Variants in FARP1 observed in about 807,000 individuals in gnomAD.
FARP1 encodes FERM, ARH/RhoGEF and pleckstrin domain protein 1.
In FARP1, 52 loss-of-function variants were observed where a neutral mutation model predicts 128.8. That is an observed-to-expected ratio of 0.40 (90% CI 0.32 to 0.51). The LOEUF is 0.51. FARP1 is among the 20% of genes least tolerant of loss of function. The pLI, the probability that FARP1 is intolerant of heterozygous loss-of-function variation, is 0.45. For missense variants in FARP1, 1,333 were observed against 1,367.9 expected, an observed-to-expected ratio of 0.97 and a Z score of 0.40; for synonymous variants, 580 against 551.8, an observed-to-expected ratio of 1.05 and a Z score of -0.72.
intron 2 of FARP1, among the ~76,000 whole-genome samples, chr13:98,299,430 G>A (rs753666730): frequency 6.6e-6 from 1 of 152,312 alleles, no homozygotes; most frequent in East Asian, 1.9e-4. Context: ...GTATGAACAC[G>A]TAGGGGCTGT....
Position 98,176,931 on chromosome 13 carries a change from A to T in FARP1, c.-24+33439A>T, listed in dbSNP as rs758475708. 4.9e-5 allele frequency: 79 copies of T among 1,602,782 alleles called. No homozygotes were observed. Among genetic ancestry groups the T allele is most frequent in the Non-Finnish European group, 6.6e-5 (78 of 1,179,788 alleles). On this transcript the variant is annotated intron_variant, in intron 1 of 26. Transcript: ENST00000319562. This position sits in a 1 kb window ranked among gnomAD's most constrained non-coding sequence, Gnocchi z 6.2. ...TGGCCCCCATGTCCTCTGGCCCCAC[A>T]GGCTTCGCCGAGCGGGTGGACCTGT...
chr13:98,378,982 TATA>T (rs1889731633), intron 6 of FARP1, among the ~76,000 whole-genome samples: 2 of 97,498 alleles, frequency 2.1e-5, no homozygotes, highest in Non-Finnish European at 3.7e-5. Context: ...ATAATCTATA[TATA>T]ATATATATAT....
intron 14 of FARP1, 56 bp downstream of exon 14, chr13:98,409,581 T>C: frequency 6.9e-7 from 1 of 1,449,026 alleles, no homozygotes; most frequent in South Asian, 1.4e-5. Flanking sequence ...TGTGTTTGTG[T>C]GAATTTTAAA....
intron 1 of FARP1, among the ~76,000 whole-genome samples, chr13:98,211,251 G>A (rs1321303954): frequency 6.6e-6 from 1 of 152,232 alleles, no homozygotes; most frequent in African/African-American, 2.4e-5. Flanking sequence ...ACAGCAGGAG[G>A]TGAGCGGCAG....
chr13:98,323,350 T>C (rs370774615), intron 2 of FARP1, among the ~76,000 whole-genome samples: 2 of 151,618 alleles, frequency 1.3e-5, no homozygotes, highest in South Asian at 4.2e-4. Context: ...ATTTAAAATA[T>C]GGTTCAAGTG....
intron 18 of FARP1, chr13:98,431,609 C>G (rs1208961234): frequency 1.1e-5 from 2 of 185,558 alleles, no homozygotes; most frequent in African/African-American, 4.7e-5. Context: ...TTACAGGCGC[C>G]CGCCACCACG....
chr13:98,239,742 G>A (rs1408761923), intron 2 of FARP1, among the ~76,000 whole-genome samples: 1 of 152,070 alleles, frequency 6.6e-6, no homozygotes, highest in East Asian at 1.9e-4. Context: ...GGCTGCTCCC[G>A]GAGGAGATGA....
intron 13 of FARP1, chr13:98,404,019 T>TCACCAC (rs879555980): frequency 0.028 from 3,812 of 135,448 alleles, 85 homozygotes; most frequent in Non-Finnish European, 0.04. Flanking sequence ...ACCACCACCA[T>TCACCAC]CACCACCACC....
At chr13:98,273,935 G>C (rs1298745635) in intron 2 of FARP1, among the ~76,000 whole-genome samples, 1 of 152,166 alleles carries the variant, frequency 6.6e-6, no homozygotes, top group Non-Finnish European at 1.5e-5. Flanking sequence ...GTCAATGACA[G>C]ACTTAGCCAC....
intron 2 of FARP1, among the ~76,000 whole-genome samples, chr13:98,264,840 G>A (rs1200538377): frequency 2.6e-5 from 4 of 152,004 alleles, no homozygotes; most frequent in Non-Finnish European, 5.9e-5. Flanking sequence ...ATTACTATTC[G>A]ATAGTAATCA....
chr13:98,355,471 C>T (rs556330736), intron 3 of FARP1, among the ~76,000 whole-genome samples: 1 of 152,150 alleles, frequency 6.6e-6, no homozygotes, highest in Non-Finnish European at 1.5e-5. Context: ...GCATGGTCCA[C>T]AGACCAACAA....
intron 13 of FARP1, chr13:98,406,605 G>C (rs890893780): frequency 1.3e-5 from 2 of 152,212 alleles, no homozygotes; most frequent in African/African-American, 4.8e-5. Flanking sequence ...ACATCTTTAG[G>C]CTCCGTGAGT....
At chr13:98,403,643 G>A (rs1323986639) in intron 13 of FARP1, 2 of 152,200 alleles carry the variant, frequency 1.3e-5, no homozygotes, top group Non-Finnish European at 1.5e-5. Flanking sequence ...CACCCAACAT[G>A]TAGGTTCTCA....
In FARP1 at chr13:98,243,839, A is replaced by G. The variant is rs141958670; in HGVS notation, c.171+30426A>G. ...AAAAACTGGACCTAAAGTTCAATTC[A>G]CTGTTGACTTTTTCAAGAGGAGTAT... is the stretch of plus-strand genomic sequence containing the variant. On this transcript the variant is annotated intron_variant, in intron 2 of 26. Coordinates refer to ENST00000319562, the MANE Select transcript of FARP1 (RefSeq NM_005766.4). Among the ~76,000 whole-genome samples, 311 of 152,130 alleles carry G rather than the reference A, an allele frequency of 2.0e-3. 5 individuals are homozygous for G. Among genetic ancestry groups the G allele is most frequent in the African/African-American group, 7.2e-3 (297 of 41,504 alleles).
chr13:98,154,491 G>T (rs542825225), intron 1 of FARP1, among the ~76,000 whole-genome samples: 5 of 152,282 alleles, frequency 3.3e-5, no homozygotes, highest in Non-Finnish European at 7.3e-5. Flanking sequence ...GAGGAGCTTT[G>T]TTGGCTGCCT....
chr13:98,223,285 G>C (rs1321633809), intron 2 of FARP1, among the ~76,000 whole-genome samples: 1 of 152,236 alleles, frequency 6.6e-6, no homozygotes, highest in Non-Finnish European at 1.5e-5. Flanking sequence ...CAGTTGACAT[G>C]AAAGGAACAT....
At chr13:98,232,145 G>GTTT (rs59209045) in intron 2 of FARP1, among the ~76,000 whole-genome samples, 4,793 of 104,918 alleles carry the variant, frequency 0.046, 195 homozygotes, top group Non-Finnish European at 0.056. Flanking sequence ...TGTTTGGTTG[G>GTTT]TTTTTTTTTT....
intron 2 of FARP1, among the ~76,000 whole-genome samples, chr13:98,233,266 TCA>T (rs1273266673): frequency 6.6e-6 from 1 of 152,242 alleles, no homozygotes; most frequent in Non-Finnish European, 1.5e-5. Context: ...CCATGGCTAG[TCA>T]CAGTGTCCAC....
Position 98,395,481 on chromosome 13 carries a change from A to G in FARP1, c.1414+5A>G. ...AGCCCCCGCAGCCAAGCACAGGTCC[A>G]GCATCCCGGGCTGCCAGAGGCAGCA... is the stretch of plus-strand genomic sequence containing the variant. On this transcript the variant is annotated splice_donor_5th_base_variant and intron_variant, in intron 13 of 26. Transcript: ENST00000319562. 6.4e-7 allele frequency: 1 copy of G among 1,574,480 alleles called. No homozygotes were observed. Among genetic ancestry groups the G allele is most frequent in the Non-Finnish European group, 8.7e-7 (1 of 1,154,222 alleles).
Sources: gnomAD v4.1 joint callset for allele counts (sites outside exome capture counted in the v4.1 genomes callset) on GRCh38, gnomAD v4.1.1 for gene constraint, Gnocchi (gnomAD v3.1) non-coding constraint, MANE v1.5 for transcripts, NCBI Gene and HGNC (gene_info 2026-07-23, HGNC 2026-07-21) for gene names.